ACOX3: variants seen among roughly 807,000 people sequenced by gnomAD.
The protein encoded by ACOX3 is acyl-CoA oxidase 3, pristanoyl, also known as peroxisomal acyl-coenzyme A oxidase 3.
A neutral mutation model predicts 81.5 loss-of-function variants in ACOX3; 73 were observed. The observed-to-expected ratio is 0.90, with a 90% CI of 0.74 to 1.09. ACOX3 has a LOEUF of 1.09. Ranked by LOEUF, ACOX3 falls within the 50% of genes least tolerant of loss-of-function variation. ACOX3 has a pLI of 0.00. For synonymous variants in ACOX3, 387 were observed against 375.1 expected, an observed-to-expected ratio of 1.03 and a Z score of -0.37; for missense variants, 947 against 928.0, an observed-to-expected ratio of 1.02 and a Z score of -0.27.
the ACOX3 span, chr4:8,357,032 C>G: frequency 2.2e-6 from 1 of 455,296 alleles, no homozygotes; most frequent in Non-Finnish European, 4.4e-6. Flanking sequence ...CTAACGTGAT[C>G]CCGGCAGGTG....
In ACOX3 at chr4:8,371,110, GC is replaced by G; in HGVS notation, c.1897-117del. 4.7e-6 allele frequency: 4 copies of G among 850,178 alleles called. No homozygotes were observed. In the South Asian group the frequency reaches 6.0e-5, roughly 13 times the overall value. The allele number at this position is 850,178 out of a possible 1,614,324, so 52.7% of individuals were successfully genotyped here. A position where few individuals can be genotyped will look rare whatever the true frequency, so the allele number is the denominator to read the frequency against. ...CCACTAGCAACGGGTCACCTGAGCGGCACGTGCGGCTCTGCTGCCCATGCGT... is the reference window on the plus strand; with the variant it reads ...CCACTAGCAACGGGTCACCTGAGCGGACGTGCGGCTCTGCTGCCCATGCGT... On this transcript the variant is annotated intron_variant, in intron 16 of 17. Coordinates refer to ENST00000356406, the MANE Select transcript of ACOX3 (RefSeq NM_003501.3).
intron 17 of ACOX3, among the ~76,000 whole-genome samples, chr4:8,369,659 C>T (rs776396979): frequency 1.6e-4 from 24 of 152,214 alleles, no homozygotes; most frequent in African/African-American, 5.1e-4. Flanking sequence ...TAGCCTGGGC[C>T]GCGCTGAGGC....
chr4:8,370,130 T>G lies in ACOX3; in HGVS notation c.1983+778A>C, dbSNP rs1359044858. On this transcript the variant is annotated intron_variant, in intron 17 of 17. Transcript: ENST00000356406. This position sits in a 1 kb window ranked among gnomAD's most constrained non-coding sequence, Gnocchi z 6.3. ...CCTCTCCAAGGCAGCAATAGTCAGC[T>G]TATACTGAAAGAATGGAAGGCACTC... 6.6e-6 allele frequency among the ~76,000 whole-genome samples: 1 copy of G among 152,218 alleles called. No homozygotes were observed. Among genetic ancestry groups the G allele is most frequent in the East Asian group, 1.9e-4 (1 of 5,184 alleles).
chr4:8,397,156 C>T lies in ACOX3; in HGVS notation c.874-37G>A, dbSNP rs543853691. The T allele has an allele frequency of 1.6e-4, 247 of 1,502,966 alleles. 5 individuals are homozygous for T. The South Asian group carries it at 3.3e-3, about 20-fold the overall frequency. The allele number at this position is 1,502,966 out of a possible 1,614,324, so 93.1% of individuals were successfully genotyped here. A position where few individuals can be genotyped will look rare whatever the true frequency, so the allele number is the denominator to read the frequency against. Reference sequence around the variant, plus strand: ...ACACAGATGATAAGCTCAAGCCCGGCTGCGCGGCCACCTTGGGCAGAGTGG... The same window carrying T: ...ACACAGATGATAAGCTCAAGCCCGGTTGCGCGGCCACCTTGGGCAGAGTGG... On this transcript the variant is annotated intron_variant, in intron 8 of 17. Coordinates refer to ENST00000356406, the MANE Select transcript of ACOX3 (RefSeq NM_003501.3).
intron 6 of ACOX3, among the ~76,000 whole-genome samples, chr4:8,409,007 C>T (rs974194961): frequency 6.7e-6 from 1 of 148,746 alleles, no homozygotes; most frequent in Non-Finnish European, 1.5e-5. Flanking sequence ...GAGCTGCCTG[C>T]TGGTGGGGAG....
At chr4:8,428,827 C>A (rs1723767387) in intron 1 of ACOX3, among the ~76,000 whole-genome samples, 2 of 152,190 alleles carry the variant, frequency 1.3e-5, no homozygotes, top group Non-Finnish European at 2.9e-5. Flanking sequence ...GTAATCCCAG[C>A]GCTTTCGGAG....
chr4:8,430,945 G>C lies in ACOX3; in HGVS notation c.-15+9703C>G, dbSNP rs186209843. Among the ~76,000 whole-genome samples the C allele has an allele frequency of 3.4e-4, 52 of 152,294 alleles. No individual in the cohort carries two copies. The highest frequency in any genetic ancestry group is 1.3e-4 in the Admixed American group (2 of 15,302). On this transcript the variant is annotated intron_variant, in intron 1 of 17. Transcript: ENST00000356406. This position sits in a 1 kb window ranked among gnomAD's most constrained non-coding sequence, Gnocchi z 5.2. ...GGGAGAGGGAAGCCATTTCTAGGTA[G>C]ACATTGGAAGGCAGGCTAAAGGGGA...
chr4:8,413,757 G>GCACCA (rs1722042463), intron 5 of ACOX3, among the ~76,000 whole-genome samples: 2 of 152,224 alleles, frequency 1.3e-5, no homozygotes, highest in Admixed American at 6.5e-5. Context: ...CCGTCTCACT[G>GCACCA]CACCACACCA....
rs1045694834 is a variant in ACOX3 at position 8,386,408 on chromosome 4, T to A, written c.1537+2765A>T. ...GGTGAAACTCCGTCTCTACTAAAAA[T>A]ACAAAAAATTAGCCGGGTGTGGTTG... is the stretch of plus-strand genomic sequence containing the variant. On this transcript the variant is annotated intron_variant, in intron 13 of 17. Transcript: ENST00000356406. The surrounding 1 kb of genome is among the most constrained non-coding windows in gnomAD (Gnocchi z 5.2). Among the ~76,000 whole-genome samples, 2 of 151,692 alleles carry A rather than the reference T, an allele frequency of 1.3e-5. No homozygotes were observed. Among genetic ancestry groups the A allele is most frequent in the African/African-American group, 4.8e-5 (2 of 41,268 alleles).
rs140412078 is a variant in ACOX3 at position 8,410,279 on chromosome 4, G to A, written c.620C>T (p.Ala207Val). 35 of 1,614,016 alleles carry A rather than the reference G, an allele frequency of 2.2e-5. No individual in the cohort carries two copies. The highest frequency in any genetic ancestry group is 4.4e-5 in the South Asian group (4 of 91,094). Residue 207 changes from alanine to valine, a missense_variant, in exon 6 of 18, where the codon GCG becomes GTG. Ala to Val is a moderately conservative substitution (Grantham distance 64). Transcript: ENST00000356406. ...VGNMGKTATH[A>V]VVFAKLCVPG... ...CACACACAGCTTAGCAAACACCACC[G>A]CGTGAGTGGCTGTCTTGCCCATGTT... is the stretch of plus-strand genomic sequence containing the variant.
Position 8,410,278 on chromosome 4 carries a change from C to A in ACOX3, c.621G>T (p.Ala207=). The change falls in exon 6 of 18, where the codon GCG becomes GCT. Residue 207 remains alanine, a synonymous_variant. Coordinates refer to ENST00000356406, the MANE Select transcript of ACOX3 (RefSeq NM_003501.3). The stretch of plus-strand genomic sequence containing the variant: ...GCACACACAGCTTAGCAAACACCAC[C>A]GCGTGAGTGGCTGTCTTGCCCATGT... ...VGNMGKTATH[A]VVFAKLCVPG... 2 of 1,614,114 alleles carry A rather than the reference C, an allele frequency of 1.2e-6. No individual in the cohort carries two copies. Among genetic ancestry groups the A allele is most frequent in the Non-Finnish European group, 1.7e-6 (2 of 1,179,986 alleles).
At chr4:8,436,561 A>G (rs1560211669) in intron 1 of ACOX3, among the ~76,000 whole-genome samples, 1 of 152,200 alleles carries the variant, frequency 6.6e-6, no homozygotes, top group Non-Finnish European at 1.5e-5. Context: ...ACTAAGAGGC[A>G]CTTCTGCAGA....
intron 10 of ACOX3, 124 bp from the exon 11 acceptor site, chr4:8,392,577 G>T: frequency 2.7e-6 from 3 of 1,105,600 alleles, no homozygotes; most frequent in Non-Finnish European, 3.7e-6. Flanking sequence ...TCCCGAAAAT[G>T]ACAGAAGAGG....
chr4:8,414,820 C>G lies in ACOX3; in HGVS notation c.453+34G>C, dbSNP rs776818766. ...TCTCTACAGAGATCAAGCAAGAGAA[C>G]CAGGCTCACAATTTACCATGAACCA... is the stretch of plus-strand genomic sequence containing the variant. On this transcript the variant is annotated intron_variant, in intron 4 of 17. Transcript: ENST00000356406. This position sits in a 1 kb window ranked among gnomAD's most constrained non-coding sequence, Gnocchi z 6.1. 205 of 1,594,576 alleles carry G rather than the reference C, an allele frequency of 1.3e-4. 1 individual carries two copies. In the Admixed American group the frequency reaches 3.4e-3, roughly 26 times the overall value.
intron 14 of ACOX3, among the ~76,000 whole-genome samples, chr4:8,376,826 T>G (rs1197119502): frequency 6.7e-6 from 1 of 149,014 alleles, no homozygotes; most frequent in Non-Finnish European, 1.5e-5. Context: ...GGACTTGCTC[T>G]GGGGCAGTAG....
chr4:8,398,372 G>T (rs998311063), intron 8 of ACOX3, among the ~76,000 whole-genome samples: 1 of 152,190 alleles, frequency 6.6e-6, no homozygotes, highest in East Asian at 1.9e-4. Context: ...ACGTGCATAG[G>T]TGCTTCCTTA....
chr4:8,388,221 G>A (rs1375422212), intron 13 of ACOX3, among the ~76,000 whole-genome samples: 1 of 152,190 alleles, frequency 6.6e-6, no homozygotes, highest in Non-Finnish European at 1.5e-5. Flanking sequence ...CACCAGCCAC[G>A]CTCCACCTCA....
Position 8,437,942 on chromosome 4 carries a change from G to T in ACOX3, c.-15+2706C>A, listed in dbSNP as rs540132261. ...TAGAAGTTAAAAGCAGCAGGATTCT[G>T]CCATATCTGGATTCCAATTTCTCAC... On this transcript the variant is annotated intron_variant, in intron 1 of 17. Transcript: ENST00000356406. The surrounding 1 kb of genome is among the most constrained non-coding windows in gnomAD (Gnocchi z 5.2). Among the ~76,000 whole-genome samples, 14 of 152,340 alleles carry T rather than the reference G, an allele frequency of 9.2e-5. No individual in the cohort carries two copies. The highest frequency in any genetic ancestry group is 3.4e-4 in the African/African-American group (14 of 41,578).
At chr4:8,380,672 A>T (rs1293774483) in intron 14 of ACOX3, among the ~76,000 whole-genome samples, 1 of 152,152 alleles carries the variant, frequency 6.6e-6, no homozygotes, top group East Asian at 1.9e-4. Flanking sequence ...GGGTCCCCAT[A>T]GCAGCTTCAT....
Sources: allele counts gnomAD v4.1 joint callset (sites outside exome capture counted in the v4.1 genomes callset), GRCh38; gene constraint gnomAD v4.1.1; non-coding constraint Gnocchi (gnomAD v3.1); transcripts MANE v1.5; gene names NCBI Gene and HGNC (gene_info 2026-07-23, HGNC 2026-07-21).